ARHGEF28: variants seen among roughly 807,000 people sequenced by gnomAD.
The protein encoded by ARHGEF28 is 190 kDa guanine nucleotide exchange factor.
In ARHGEF28, 152 loss-of-function variants were observed where a neutral mutation model predicts 206.6. The ratio of observed to expected loss-of-function variants is 0.74; its 90% CI spans 0.64 to 0.84. The LOEUF (loss-of-function observed/expected upper bound fraction) is 0.84, where lower values mean the gene tolerates loss of function less well. Ranked by LOEUF, ARHGEF28 falls within the 40% of genes least tolerant of loss-of-function variation. The probability of loss-of-function intolerance (pLI) is 0.00; values close to 1 mark genes in which losing one functional copy is unlikely to be tolerated. For synonymous variants in ARHGEF28, 763 were observed against 776.4 expected (o/e 0.98, Z 0.29); for missense variants, 2,028 against 2,073.2 (o/e 0.98, Z 0.42).
chr5:73,742,626 C>A (rs974869386), intron 2 of ARHGEF28, among the ~76,000 whole-genome samples: 6 of 151,010 alleles, frequency 4.0e-5, no homozygotes, highest in African/African-American at 1.5e-4. Flanking sequence ...AGATCGAGAC[C>A]ATCCTGGCTA....
chr5:73,846,841 G>T (rs1233058796), intron 12 of ARHGEF28, among the ~76,000 whole-genome samples: 1 of 152,118 alleles, frequency 6.6e-6, no homozygotes, highest in African/African-American at 2.4e-5. Flanking sequence ...TTTTGCTCAC[G>T]TAAATAATTG....
At chr5:73,872,525 G>T (rs1760170319) in intron 21 of ARHGEF28, among the ~76,000 whole-genome samples, 1 of 152,120 alleles carries the variant, frequency 6.6e-6, no homozygotes, top group African/African-American at 2.4e-5. Flanking sequence ...GACAGATTCT[G>T]CCATAGAAAG....
At chr5:73,651,248 C>A (rs1174661599) in intron 1 of ARHGEF28, among the ~76,000 whole-genome samples, 1 of 152,178 alleles carries the variant, frequency 6.6e-6, no homozygotes, top group African/African-American at 2.4e-5. Context: ...TACTTACCAG[C>A]TCGACTGTGT....
At chr5:73,771,120 A>C (rs1753197197) in intron 4 of ARHGEF28, among the ~76,000 whole-genome samples, 1 of 152,252 alleles carries the variant, frequency 6.6e-6, no homozygotes, top group South Asian at 2.1e-4. Context: ...CAATGGTATA[A>C]TTTGAAAAGG....
At chr5:73,908,029 C>T (rs1762645868) in intron 33 of ARHGEF28, among the ~76,000 whole-genome samples, 2 of 152,140 alleles carry the variant, frequency 1.3e-5, no homozygotes, top group Non-Finnish European at 2.9e-5. Flanking sequence ...GCCAGATCAA[C>T]AGAGTCCTGA....
chr5:73,696,250 G>T (rs1178108897), intron 2 of ARHGEF28, among the ~76,000 whole-genome samples: 1 of 152,168 alleles, frequency 6.6e-6, no homozygotes, highest in Non-Finnish European at 1.5e-5. Context: ...TGACAAAAGT[G>T]TTGATAATTA....
intron 9 of ARHGEF28, among the ~76,000 whole-genome samples, chr5:73,827,513 A>G (rs546954264): frequency 6.6e-6 from 1 of 152,174 alleles, no homozygotes; most frequent in Non-Finnish European, 1.5e-5. Flanking sequence ...TATGAGATGG[A>G]TATATTATTG....
chr5:73,911,484 T>G lies in ARHGEF28; in HGVS notation c.4857T>G (p.Pro1619=), dbSNP rs1450847902. The change falls in exon 35 of 36, where the codon CCT becomes CCG. Residue 1619 remains proline (P), a synonymous_variant. Transcript: ENST00000513042. ...ACCTCAAGGTGGACCCTTCTCAGCC[T>G]TCGAATGTCAGTCACAAACTGTGGA... The part of the protein sequence containing the change: ...QVDLKVDPSQ[P]SNVSHKLWTA... The G allele has an allele frequency of 1.9e-6, 3 of 1,613,830 alleles. No homozygotes were observed. Among genetic ancestry groups the G allele is most frequent in the African/African-American group, 1.3e-5 (1 of 74,932 alleles).
intron 4 of ARHGEF28, among the ~76,000 whole-genome samples, chr5:73,765,857 A>G (rs559939318): frequency 2.6e-5 from 4 of 152,352 alleles, no homozygotes; most frequent in African/African-American, 9.6e-5. Flanking sequence ...TTAGTCTTCT[A>G]AAAACGTATT....
At chr5:73,859,698 T>A (rs941207519) in intron 16 of ARHGEF28, among the ~76,000 whole-genome samples, 6 of 152,124 alleles carry the variant, frequency 3.9e-5, no homozygotes, top group Non-Finnish European at 5.9e-5. Context: ...CGTTTATGGG[T>A]TGTTTCTGGC....
chr5:73,896,301 C>A (rs1261886189), intron 29 of ARHGEF28, among the ~76,000 whole-genome samples: 1 of 151,980 alleles, frequency 6.6e-6, no homozygotes, highest in Non-Finnish European at 1.5e-5. Flanking sequence ...GTGAGCTTCA[C>A]GTGTTTAAGG....
chr5:73,667,434 A>G (rs1746025652), intron 1 of ARHGEF28, among the ~76,000 whole-genome samples: 1 of 152,228 alleles, frequency 6.6e-6, no homozygotes, highest in Non-Finnish European at 1.5e-5. Context: ...CAAGTTCCCA[A>G]GGATGCCCTG....
Position 73,904,372 on chromosome 5 carries a change from A to T in ARHGEF28, c.4128A>T (p.Ile1376=). ...GSSQSEIIQA[I]QNLTRLLYSL... ...TTGTTTTTCAGATTATACAAGCCAT[A>T]CAGAATTTAACCCGTCTCTTATACA... Residue 1376 remains isoleucine (I), a synonymous_variant, in exon 33 of 36, where the codon ATA becomes ATT. Coordinates refer to ENST00000513042, the MANE Select transcript of ARHGEF28 (RefSeq NM_001177693.2). 1 of 1,613,104 alleles carries T rather than the reference A, an allele frequency of 6.2e-7. No homozygotes were observed. The highest frequency in any genetic ancestry group is 8.5e-7 in the Non-Finnish European group (1 of 1,179,552).
At chr5:73,933,797 A>G (rs892766876) in intron 35 of ARHGEF28, among the ~76,000 whole-genome samples, 21 of 152,298 alleles carry the variant, frequency 1.4e-4, no homozygotes, top group African/African-American at 5.1e-4. Context: ...TGTCTAAAAG[A>G]TAAGGACTCT....
intron 1 of ARHGEF28, among the ~76,000 whole-genome samples, chr5:73,636,012 A>G (rs973338546): frequency 1.3e-5 from 2 of 152,244 alleles, no homozygotes; most frequent in African/African-American, 4.8e-5. Flanking sequence ...TGATCACCAG[A>G]AATATTGATA....
chr5:73,733,484 T>C (rs1332438194), intron 2 of ARHGEF28, among the ~76,000 whole-genome samples: 1 of 152,192 alleles, frequency 6.6e-6, no homozygotes, highest in Non-Finnish European at 1.5e-5. Context: ...TTAACCATGA[T>C]GCTCTCTGGC....
rs373500433 is a variant in ARHGEF28 at position 73,909,513 on chromosome 5, C to T, written c.4263C>T (p.Pro1421=). 2 of 1,606,848 alleles carry T rather than the reference C, an allele frequency of 1.2e-6. No homozygotes were observed. The highest frequency in any genetic ancestry group is 3.4e-5 in the Admixed American group (2 of 58,878). ...SLGHSILRGG[P]LQDQKSRDAD... ...GCCACTCTATCCTCCGAGGCGGCCC[C>T]TTGCAGGACCAGAAGTCTCGCGACG... The change falls in exon 34 of 36, where the codon CCC becomes CCT. Residue 1421 remains proline, a synonymous_variant. Transcript: ENST00000513042.
At chr5:73,704,274 C>A (rs1264866479) in intron 2 of ARHGEF28, among the ~76,000 whole-genome samples, 1 of 152,066 alleles carries the variant, frequency 6.6e-6, no homozygotes, top group East Asian at 1.9e-4. Flanking sequence ...ACATCATCTA[C>A]CTGTTAGAAA....
At chr5:73,825,838 G>A (rs1756875535) in intron 9 of ARHGEF28, among the ~76,000 whole-genome samples, 1 of 152,152 alleles carries the variant, frequency 6.6e-6, no homozygotes, top group African/African-American at 2.4e-5. Context: ...TGGACCTGTT[G>A]TGCTTGAAAT....
Sources: gnomAD v4.1 joint callset for allele counts (sites outside exome capture counted in the v4.1 genomes callset) on GRCh38, gnomAD v4.1.1 for gene constraint, MANE v1.5 for transcripts, NCBI Gene and HGNC (gene_info 2026-07-23, HGNC 2026-07-21) for gene names.